The following SMAD2 variants were observed in gnomAD, a reference collection of about 807,000 sequenced individuals.
SMAD2 encodes the protein SMAD family member 2, also known as MAD homolog 2.
In SMAD2, 8 loss-of-function variants were observed where a neutral mutation model predicts 64.4. The ratio of observed to expected loss-of-function variants is 0.12; its 90% CI spans 0.07 to 0.22. SMAD2 has a LOEUF of 0.22. Among genes scored for constraint, SMAD2 ranks in the 10% least tolerant of loss-of-function variants. The pLI is 1.00. For synonymous variants in SMAD2, 203 were observed against 195.8 expected (o/e 1.04, Z -0.31); for missense variants, 289 against 561.2 (o/e 0.51, Z 4.90).
intron 2 of SMAD2, among the ~76,000 whole-genome samples, chr18:47,890,523 A>G (rs2033141193): frequency 6.6e-6 from 1 of 152,184 alleles, no homozygotes. Flanking sequence ...CCTAGCTATA[A>G]TGTTTTATAG....
At chr18:47,925,201 T>C (rs1269558813) in intron 1 of SMAD2, among the ~76,000 whole-genome samples, 2 of 152,218 alleles carry the variant, frequency 1.3e-5, no homozygotes, top group African/African-American at 4.8e-5. Flanking sequence ...TTGAGGCCAA[T>C]GTAAAACCAG....
intron 1 of SMAD2, among the ~76,000 whole-genome samples, chr18:47,900,075 T>TATA (rs1228168364): frequency 6.6e-6 from 1 of 152,132 alleles, no homozygotes; most frequent in Non-Finnish European, 1.5e-5. Context: ...TAACAACCTC[T>TATA]ATAAAAATGT....
Position 47,818,144 on chromosome 18 carries a change from C to T in SMAD2, c.*23683G>A, listed in dbSNP as rs1353867387. 6.6e-6 allele frequency: 1 copy of T among 152,084 alleles called. No homozygotes were observed. Among genetic ancestry groups the T allele is most frequent in the South Asian group, 2.1e-4 (1 of 4,828 alleles). 9.4% of individuals were successfully genotyped at this position (152,084 alleles called of 1,614,324 possible). ...TGATATGTAGAGTCTTCTAAGCTCT[C>T]TAATTTTTTTTCTGCCTACTTTAAA... On this transcript the variant is annotated 3_prime_UTR_variant, in exon 11 of 11. Coordinates refer to ENST00000262160, the MANE Select transcript of SMAD2 (RefSeq NM_005901.6).
chr18:47,897,286 T>C (rs1460200949), intron 1 of SMAD2, among the ~76,000 whole-genome samples: 4 of 152,188 alleles, frequency 2.6e-5, no homozygotes, highest in Non-Finnish European at 1.5e-5. Context: ...ATGCGTAAAG[T>C]GTGAAGTAAT....
intron 2 of SMAD2, among the ~76,000 whole-genome samples, chr18:47,870,833 T>C (rs1006370873): frequency 1.3e-5 from 2 of 152,184 alleles, no homozygotes; most frequent in Non-Finnish European, 2.9e-5. Context: ...GAATCATACC[T>C]ATAATGCCCT....
rs1912957984 is a variant in SMAD2 at position 47,830,792 on chromosome 18, G to A, written c.*11035C>T. Reference sequence around the variant, plus strand: ...GAGCAAATGAATTTCTTAAGTTCAAGATACGTACTCTCAATGGAGAATCGC... The same window carrying A: ...GAGCAAATGAATTTCTTAAGTTCAAAATACGTACTCTCAATGGAGAATCGC... On this transcript the variant is annotated 3_prime_UTR_variant, in exon 11 of 11. Transcript: ENST00000262160. 1.3e-5 allele frequency: 2 copies of A among 156,826 alleles called. No homozygotes were observed. Among genetic ancestry groups the A allele is most frequent in the African/African-American group, 4.8e-5 (2 of 41,720 alleles). The allele number at this position is 156,826 out of a possible 1,614,324, so 9.7% of individuals were successfully genotyped here.
At chr18:47,887,473 T>G (rs894170258) in intron 2 of SMAD2, among the ~76,000 whole-genome samples, 1 of 151,290 alleles carries the variant, frequency 6.6e-6, no homozygotes, top group African/African-American at 2.5e-5. Flanking sequence ...GAAGTCCAAA[T>G]GCAGACTCTC....
chr18:47,867,903 T>G lies in SMAD2; in HGVS notation c.655+420A>C, dbSNP rs796188860. ...TATATTTCTTATAGAAATGTTATAT[T>G]TCTGTTAAATATTACCAAGTTATCT... On this transcript the variant is annotated intron_variant, in intron 5 of 10. Transcript: ENST00000262160. Among the ~76,000 whole-genome samples the G allele has an allele frequency of 4.6e-5, 7 of 152,334 alleles. No homozygotes were observed. The East Asian group carries it at 1.3e-3, about 29-fold the overall frequency.
At chr18:47,886,159 T>C (rs1568083562) in intron 2 of SMAD2, among the ~76,000 whole-genome samples, 1 of 152,214 alleles carries the variant, frequency 6.6e-6, no homozygotes, top group South Asian at 2.1e-4. Context: ...AATTCAACTT[T>C]TTAAGTTATA....
chr18:47,911,977 AGACACC>A (rs2034155380), intron 1 of SMAD2, among the ~76,000 whole-genome samples: 1 of 152,214 alleles, frequency 6.6e-6, no homozygotes. Context: ...AGCCAACTAC[AGACACC>A]GTAGTATCAT....
At chr18:47,867,589 T>G (rs1445386607) in intron 5 of SMAD2, among the ~76,000 whole-genome samples, 1 of 147,144 alleles carries the variant, frequency 6.8e-6, no homozygotes, top group Non-Finnish European at 1.5e-5. Context: ...CTGTTTCTGC[T>G]AGGGAGAAAA....
chr18:47,922,472 A>G (rs975551561), intron 1 of SMAD2: 3 of 152,234 alleles, frequency 2.0e-5, no homozygotes, highest in East Asian at 3.8e-4. Context: ...AACTATTTAC[A>G]TTGTATTAGA....
chr18:47,864,774 G>C (rs1312305368), intron 6 of SMAD2, among the ~76,000 whole-genome samples: 1 of 152,042 alleles, frequency 6.6e-6, no homozygotes, highest in Non-Finnish European at 1.5e-5. Flanking sequence ...ATTTTCAACA[G>C]AAGCAAATAC....
rs1206092460 is a variant in SMAD2, at chr18:47,821,271, TAAG to T, written c.*20553_*20555del. The stretch of plus-strand genomic sequence containing the variant: ...CATTGCCTTTAGCTCTTTCTCCCCT[TAAG>T]AAGGTACATCTTTTTGTTTGGCAGG... On this transcript the variant is annotated 3_prime_UTR_variant, in exon 11 of 11. Coordinates refer to ENST00000262160, the MANE Select transcript of SMAD2 (RefSeq NM_005901.6). The T allele has an allele frequency of 1.3e-5, 2 of 152,312 alleles. No individual in the cohort carries two copies. The highest frequency in any genetic ancestry group is 3.9e-4 in the East Asian group (2 of 5,182). 9.4% of individuals were successfully genotyped at this position (152,312 alleles called of 1,614,324 possible).
chr18:47,861,924 C>A lies in SMAD2; in HGVS notation c.730+3135G>T, dbSNP rs530366463. On this transcript the variant is annotated intron_variant, in intron 6 of 10. Coordinates refer to ENST00000262160, the MANE Select transcript of SMAD2 (RefSeq NM_005901.6). ...TCTATGAGTTAAATGCTATTATTGTCCCTATTTTACAGATTTAAAAACTAG... is the reference window on the plus strand; with the variant it reads ...TCTATGAGTTAAATGCTATTATTGTACCTATTTTACAGATTTAAAAACTAG... Among the ~76,000 whole-genome samples, 391 of 152,266 alleles carry A rather than the reference C, an allele frequency of 2.6e-3. 1 individual carries two copies. The highest frequency in any genetic ancestry group is 6.8e-3 in the Middle Eastern group (2 of 294).
At chr18:47,901,887 T>C (rs988031414) in intron 1 of SMAD2, among the ~76,000 whole-genome samples, 1 of 152,190 alleles carries the variant, frequency 6.6e-6, no homozygotes, top group Non-Finnish European at 1.5e-5. Flanking sequence ...ATTTGGCAAA[T>C]GTCTACGGGG....
At position 47,830,019 on chromosome 18, in the gene SMAD2, G is replaced by GGTTT. The variant is rs1912925988; in HGVS notation, c.*11804_*11807dup. The GGTTT allele has an allele frequency of 2.6e-5, 4 of 152,248 alleles. No homozygotes were observed. In the South Asian group the frequency reaches 8.3e-4, roughly 32 times the overall value. The allele number at this position is 152,248 out of a possible 1,614,324, so 9.4% of individuals were successfully genotyped here. A position where few individuals can be genotyped will look rare whatever the true frequency, so the allele number is the denominator to read the frequency against. On this transcript the variant is annotated 3_prime_UTR_variant, in exon 11 of 11. Coordinates refer to ENST00000262160, the MANE Select transcript of SMAD2 (RefSeq NM_005901.6). The stretch of plus-strand genomic sequence containing the variant: ...TCAAAGCATAGCAAGAATCCACAGT[G>GGTTT]GTTTGCAGGCCACTAATTCTTTTAC...
At position 47,810,036 on chromosome 18, in the gene SMAD2, C is replaced by T. The variant is rs942643870; in HGVS notation, c.*31791G>A. 1 of 152,314 alleles carries T rather than the reference C, an allele frequency of 6.6e-6. No homozygotes were observed. The highest frequency in any genetic ancestry group is 1.9e-4 in the East Asian group (1 of 5,178). 9.4% of individuals were successfully genotyped at this position (152,314 alleles called of 1,614,324 possible). On this transcript the variant is annotated 3_prime_UTR_variant, in exon 11 of 11. Transcript: ENST00000262160. ...TGTAATTACAGAGTTGAAACACATA[C>T]TCTTTCAGACATGAAGTCAGAGGGC... is the stretch of plus-strand genomic sequence containing the variant.
chr18:47,858,238 C>T (rs1366542633), intron 6 of SMAD2, among the ~76,000 whole-genome samples: 5 of 151,896 alleles, frequency 3.3e-5, no homozygotes, highest in Non-Finnish European at 5.9e-5. Flanking sequence ...CACAAATTAT[C>T]GAAGACTTTA....
Sources: gnomAD v4.1 joint callset for allele counts (sites outside exome capture counted in the v4.1 genomes callset) on GRCh38, gnomAD v4.1.1 for gene constraint, MANE v1.5 for transcripts, NCBI Gene and HGNC (gene_info 2026-07-23, HGNC 2026-07-21) for gene names.